Variants in SORCS3 observed in about 807,000 individuals in gnomAD.
SORCS3 encodes VPS10 domain-containing receptor SorCS3.
SORCS3 carries 57 observed loss-of-function variants against 146.3 expected under a neutral mutation model. The ratio of observed to expected loss-of-function variants is 0.39; its 90% CI spans 0.31 to 0.49. The LOEUF is 0.49. Ranked by LOEUF, SORCS3 falls within the 20% of genes least tolerant of loss-of-function variation. The pLI is 0.92. For synonymous variants in SORCS3, 653 were observed against 618.5 expected (o/e 1.06, Z -0.83); for missense variants, 1,341 against 1,575.5 (o/e 0.85, Z 2.52).
chr10:105,061,821 T>C (rs2055489896), intron 5 of SORCS3, among the ~76,000 whole-genome samples: 1 of 152,108 alleles, frequency 6.6e-6, no homozygotes, highest in African/African-American at 2.4e-5. Context: ...TTCAGAAATG[T>C]CCAGCCTTGA....
intron 1 of SORCS3, among the ~76,000 whole-genome samples, chr10:104,683,724 G>A (rs990733724): frequency 1.9e-4 from 29 of 152,270 alleles, no homozygotes; most frequent in African/African-American, 6.0e-4. Flanking sequence ...TCGCCAGTTG[G>A]CTCCCTGGCA....
At chr10:104,702,646 C>T (rs753627719) in intron 1 of SORCS3, among the ~76,000 whole-genome samples, 16 of 152,156 alleles carry the variant, frequency 1.1e-4, no homozygotes, top group Non-Finnish European at 2.1e-4. Context: ...GCATTTTCAT[C>T]TTAAGAGCTA....
At chr10:104,948,896 G>A (rs1456240375) in intron 3 of SORCS3, among the ~76,000 whole-genome samples, 1 of 152,092 alleles carries the variant, frequency 6.6e-6, no homozygotes, top group Non-Finnish European at 1.5e-5. Context: ...ATTCCGCCCA[G>A]CTACCCACTA....
chr10:105,019,116 T>A (rs2055184650), intron 4 of SORCS3, among the ~76,000 whole-genome samples: 1 of 152,236 alleles, frequency 6.6e-6, no homozygotes, highest in African/African-American at 2.4e-5. Flanking sequence ...TCTTCAGATG[T>A]CCCTCTTTGC....
chr10:105,138,755 C>A (rs1225911733), intron 7 of SORCS3, among the ~76,000 whole-genome samples: 2 of 152,156 alleles, frequency 1.3e-5, no homozygotes, highest in Non-Finnish European at 2.9e-5. Context: ...AGCCTTCTAG[C>A]CAGAGATAAC....
intron 6 of SORCS3, among the ~76,000 whole-genome samples, 169 bp from the exon 7 acceptor site, chr10:105,105,228 T>C (rs2055812635): frequency 6.6e-6 from 1 of 152,176 alleles, no homozygotes; most frequent in Non-Finnish European, 1.5e-5. Context: ...AAATTAGATA[T>C]TACGATTTTT....
chr10:104,871,173 T>C (rs1469181908), intron 2 of SORCS3, among the ~76,000 whole-genome samples: 2 of 152,220 alleles, frequency 1.3e-5, no homozygotes, highest in Admixed American at 1.3e-4. Flanking sequence ...GTTAACTTTT[T>C]AAATTCTCAC....
intron 14 of SORCS3, among the ~76,000 whole-genome samples, chr10:105,182,905 G>C (rs2056451730): frequency 6.6e-6 from 1 of 152,056 alleles, no homozygotes; most frequent in South Asian, 2.1e-4. Flanking sequence ...GTTTTGCCAT[G>C]TTGCCCAAGC....
chr10:104,890,422 A>G (rs541965217), intron 2 of SORCS3, among the ~76,000 whole-genome samples: 3 of 151,908 alleles, frequency 2.0e-5, no homozygotes, highest in East Asian at 3.9e-4. Context: ...TTCACTTTCT[A>G]TTGCTGTGTT....
chr10:104,805,110 G>T (rs1032822237), intron 1 of SORCS3, among the ~76,000 whole-genome samples: 2 of 152,148 alleles, frequency 1.3e-5, no homozygotes, highest in African/African-American at 4.8e-5. Flanking sequence ...AGTCATCAAG[G>T]GGCCATAAGC....
intron 1 of SORCS3, among the ~76,000 whole-genome samples, chr10:104,813,990 T>A (rs1469388506): frequency 4.0e-5 from 6 of 151,254 alleles, no homozygotes; most frequent in Non-Finnish European, 8.8e-5. Flanking sequence ...AAGACTTATG[T>A]TTTTTTCCCC....
rs2015422209 is a variant in SORCS3, at chr10:104,641,826, G to A, written c.499G>A (p.Glu167Lys). The A allele has an allele frequency of 1.3e-6, 2 of 1,558,842 alleles. No individual in the cohort carries two copies. The highest frequency in any genetic ancestry group is 1.7e-6 in the Non-Finnish European group (2 of 1,153,692). ...TCCCCTTGCTAAGGGTTCCCGGGAG[G>A]AGGTGAAGGCGCCGCGGGCTGGGGG... ...SRPLAKGSRE[E>K]VKAPRAGGSA... The change falls in exon 1 of 27, where the codon GAG (glutamate) becomes AAG (lysine). Residue 167 changes from glutamate (E) to lysine (K), a missense_variant. Physicochemically the swap from Glu to Lys is moderately conservative, Grantham distance 56 (BLOSUM62 1). Transcript: ENST00000369701. The surrounding 1 kb of genome is among the most constrained non-coding windows in gnomAD (Gnocchi z 6.4).
At chr10:105,243,808 G>A (rs1019476303) in intron 20 of SORCS3, among the ~76,000 whole-genome samples, 13 of 152,198 alleles carry the variant, frequency 8.5e-5, no homozygotes, top group African/African-American at 3.1e-4. Flanking sequence ...TAAAGCAGAA[G>A]AAATTAAATT....
chr10:104,827,500 G>T (rs915632592), intron 1 of SORCS3, among the ~76,000 whole-genome samples: 2 of 152,038 alleles, frequency 1.3e-5, no homozygotes, highest in African/African-American at 4.8e-5. Flanking sequence ...CTCAACAGTG[G>T]GCTTAAAATT....
chr10:104,746,824 A>G (rs1047534089), intron 1 of SORCS3, among the ~76,000 whole-genome samples: 1 of 152,216 alleles, frequency 6.6e-6, no homozygotes, highest in Non-Finnish European at 1.5e-5. Context: ...AAGGATCAGT[A>G]TATACTTTTA....
chr10:104,834,427 C>G (rs916805197), intron 1 of SORCS3, among the ~76,000 whole-genome samples: 1 of 152,124 alleles, frequency 6.6e-6, no homozygotes, highest in East Asian at 1.9e-4. Flanking sequence ...GCATCTGCTG[C>G]TGCTTCTGCC....
intron 21 of SORCS3, among the ~76,000 whole-genome samples, 162 bp downstream of exon 21, chr10:105,245,827 G>A (rs1205403982): frequency 6.6e-6 from 1 of 152,180 alleles, no homozygotes; most frequent in Admixed American, 6.6e-5. Flanking sequence ...TAGAGATTGA[G>A]GTTATAAGAG....
intron 3 of SORCS3, among the ~76,000 whole-genome samples, chr10:104,936,018 G>A (rs1174971441): frequency 6.6e-6 from 1 of 152,150 alleles, no homozygotes; most frequent in East Asian, 1.9e-4. Flanking sequence ...GGGAAACAGG[G>A]CGAAGGCTGG....
chr10:104,648,786 T>G (rs142369532), intron 1 of SORCS3, among the ~76,000 whole-genome samples: 1 of 152,326 alleles, frequency 6.6e-6, no homozygotes, highest in Non-Finnish European at 1.5e-5. Context: ...CTAATAAATG[T>G]TCTATAGTAA....
Sources: gnomAD v4.1 joint callset for allele counts (sites outside exome capture counted in the v4.1 genomes callset) on GRCh38, gnomAD v4.1.1 for gene constraint, Gnocchi (gnomAD v3.1) non-coding constraint, MANE v1.5 for transcripts, NCBI Gene and HGNC (gene_info 2026-07-23, HGNC 2026-07-21) for gene names.